TUBG2: variants seen among roughly 807,000 people sequenced by gnomAD.
The protein encoded by TUBG2 is tubulin gamma 2, also known as tubulin gamma-2 chain.
A neutral mutation model predicts 55.1 loss-of-function variants in TUBG2; 39 were observed. That is an observed-to-expected ratio of 0.71 (90% CI 0.55 to 0.93). The LOEUF is 0.93. Ranked by LOEUF, TUBG2 falls within the 40% of genes least tolerant of loss-of-function variation. The pLI is 0.00. For synonymous variants in TUBG2, 223 were observed against 241.0 expected (o/e 0.93, Z 0.69); for missense variants, 358 against 599.1 (o/e 0.60, Z 4.20).
At chr17:42,660,451 G>A in intron 3 of TUBG2, 135 bp downstream of exon 3, 1 of 1,478,918 alleles carries the variant, frequency 6.8e-7, no homozygotes, top group Non-Finnish European at 9.2e-7. Flanking sequence ...GACAGCCAGG[G>A]AGAGGTTTAT....
intron 3 of TUBG2, 72 bp downstream of exon 3, chr17:42,660,388 A>G: frequency 1.3e-6 from 2 of 1,598,822 alleles, no homozygotes; most frequent in Non-Finnish European, 8.5e-7. Context: ...GCTACTAGGA[A>G]TTTGACCTGA....
rs149564987 is a variant in TUBG2, at chr17:42,660,304, C to T, written c.318C>T (p.Ser106=). The T allele has an allele frequency of 1.3e-5, 21 of 1,614,034 alleles. No individual in the cohort carries two copies. Among genetic ancestry groups the T allele is most frequent in the East Asian group, 4.5e-5 (2 of 44,894 alleles). The change falls in exon 3 of 11, where the codon AGC becomes AGT. Residue 106 remains serine, a synonymous_variant. Transcript: ENST00000251412. ...HGGGAGNNWA[S]GFSQGEKIHE... ...GAGGAGCTGGCAACAACTGGGCCAG[C>T]GGATTCTCCCAGGTGTCCTAGCGAC...
At chr17:42,665,430 G>A (rs3817331) in intron 6 of TUBG2, 46 bp from the exon 7 acceptor site, 632,943 of 1,612,386 alleles carry the variant, frequency 0.39, 126,317 homozygotes, top group East Asian at 0.54. Flanking sequence ...TTATTTCTAT[G>A]CCCATTTTAT....
In TUBG2 at chr17:42,665,694, C is replaced by T. The variant is rs146477833; in HGVS notation, c.710C>T (p.Ser237Leu). Residue 237 changes from serine to leucine, a missense_variant, in exon 8 of 11, where the codon TCG (serine) becomes TTG (leucine). By Grantham distance (145) the Ser-to-Leu change is moderately radical. Transcript: ENST00000251412. Reference sequence around the variant, plus strand: ...TGTCCCCAGGTGTCCACCATCATGTCGGCCAGCACCACCACCCTGCGCTAC... The same window carrying T: ...TGTCCCCAGGTGTCCACCATCATGTTGGCCAGCACCACCACCCTGCGCTAC... The part of the protein sequence containing the change: ...QINQLVSTIM[S>L]ASTTTLRYPG... 2.1e-4 allele frequency: 345 copies of T among 1,614,166 alleles called. No individual in the cohort carries two copies. The highest frequency in any genetic ancestry group is 3.1e-4 in the South Asian group (28 of 91,082).
chr17:42,660,375 C>G, intron 3 of TUBG2, 59 bp downstream of exon 3: 3 of 1,608,204 alleles, frequency 1.9e-6, no homozygotes, highest in Non-Finnish European at 2.6e-6. Context: ...AAGGCAGGCT[C>G]AAGCTACTAG....
chr17:42,664,156 G>C (rs1034414860), intron 6 of TUBG2, among the ~76,000 whole-genome samples: 3 of 151,756 alleles, frequency 2.0e-5, no homozygotes, highest in Non-Finnish European at 2.9e-5. Context: ...TGTGCCTGTA[G>C]TACTAGCTAC....
rs2052520456 is a variant in TUBG2, at chr17:42,665,817, C to T, written c.833C>T (p.Thr278Ile). 1 of 1,614,234 alleles carries T rather than the reference C, an allele frequency of 6.2e-7. No homozygotes were observed. The highest frequency in any genetic ancestry group is 1.3e-5 in the African/African-American group (1 of 75,062). The change falls in exon 8 of 11, where the codon ACA (threonine) becomes ATA (isoleucine). Residue 278 changes from threonine to isoleucine, a missense_variant. Thr to Ile is a moderately conservative substitution (Grantham distance 89). Transcript: ENST00000251412. ...FLMTGYTPLT[T>I]DQSVASVRKT... ...ATGACCGGCTACACCCCGCTCACTACAGACCAGTCAGTAAGAGCAGCCTTC... is the reference window on the plus strand; with the variant it reads ...ATGACCGGCTACACCCCGCTCACTATAGACCAGTCAGTAAGAGCAGCCTTC...
chr17:42,665,662 G>A lies in TUBG2; in HGVS notation c.694-16G>A, dbSNP rs764233067. On this transcript the variant is annotated splice_polypyrimidine_tract_variant and intron_variant, in intron 7 of 10. Transcript: ENST00000251412. ...CACCCAGGCCGAGCCCCATGACATG[G>A]CACGCCTGTCCCCAGGTGTCCACCA... The A allele has an allele frequency of 6.2e-7, 1 of 1,613,910 alleles. No homozygotes were observed. The highest frequency in any genetic ancestry group is 1.3e-5 in the African/African-American group (1 of 74,886).
At chr17:42,664,182 G>T (rs1449786191) in intron 6 of TUBG2, among the ~76,000 whole-genome samples, 1 of 151,654 alleles carries the variant, frequency 6.6e-6, no homozygotes, top group Non-Finnish European at 1.5e-5. Flanking sequence ...AGGCTGAGGT[G>T]GGGGGATTGC....
intron 6 of TUBG2, 75 bp downstream of exon 6, chr17:42,663,578 C>A: frequency 6.4e-7 from 1 of 1,565,840 alleles, no homozygotes; most frequent in Non-Finnish European, 8.7e-7. Flanking sequence ...GAGGCCTAGG[C>A]AGATGGATTG....
At position 42,660,771 on chromosome 17, in the gene TUBG2, G is replaced by A. The variant is rs2052364616; in HGVS notation, c.399+64G>A. On this transcript the variant is annotated intron_variant, in intron 4 of 10. Transcript: ENST00000251412. The stretch of plus-strand genomic sequence containing the variant: ...CCGAAGAGTGCTGGGGACAGGTCAG[G>A]AGGTGGCCTGGATAGGTAATATGAG... The A allele has an allele frequency of 2.7e-6, 4 of 1,469,854 alleles. No individual in the cohort carries two copies. The East Asian group carries it at 9.4e-5, about 35-fold the overall frequency. The allele number at this position is 1,469,854 out of a possible 1,614,324, so 91.1% of individuals were successfully genotyped here.
intron 8 of TUBG2, 27 bp from the exon 9 acceptor site, chr17:42,666,060 C>T (rs760873255): frequency 8.9e-5 from 143 of 1,613,684 alleles, no homozygotes; most frequent in South Asian, 2.4e-4. Context: ...GAGCGCTGGC[C>T]GGGTCCCTGT....
intron 7 of TUBG2, 38 bp from the exon 8 acceptor site, chr17:42,665,640 C>G (rs772063490): frequency 2.5e-6 from 4 of 1,614,124 alleles, no homozygotes; most frequent in Non-Finnish European, 3.4e-6. Flanking sequence ...AAGGTCCCAC[C>G]CAGGCCGAGC....
At position 42,665,672 on chromosome 17, in the gene TUBG2, C is replaced by T; in HGVS notation, c.694-6C>T. On this transcript the variant is annotated splice_region_variant and splice_polypyrimidine_tract_variant and intron_variant, in intron 7 of 10. Coordinates refer to ENST00000251412, the MANE Select transcript of TUBG2 (RefSeq NM_016437.3). ...GAGCCCCATGACATGGCACGCCTGT[C>T]CCCAGGTGTCCACCATCATGTCGGC... 1 of 1,614,148 alleles carries T rather than the reference C, an allele frequency of 6.2e-7. No individual in the cohort carries two copies.
intron 6 of TUBG2, among the ~76,000 whole-genome samples, chr17:42,664,374 GAAGACCAAC>G (rs2052466057): frequency 2.0e-5 from 3 of 151,638 alleles, no homozygotes; most frequent in African/African-American, 7.3e-5. Flanking sequence ...CACACAGACA[GAAGACCAAC>G]AAAGCCATAC....
Position 42,660,021 on chromosome 17 carries a change from A to T in TUBG2, c.162+75A>T, listed in dbSNP as rs3892334. The T allele has an allele frequency of 6.3e-3, 9,019 of 1,437,392 alleles. 46 individuals carry two copies. The highest frequency in any genetic ancestry group is 7.5e-3 in the Non-Finnish European group (7,803 of 1,042,348). 89.0% of individuals were successfully genotyped at this position (1,437,392 alleles called of 1,614,324 possible). On this transcript the variant is annotated intron_variant, in intron 2 of 10. Coordinates refer to ENST00000251412, the MANE Select transcript of TUBG2 (RefSeq NM_016437.3). Reference sequence around the variant, plus strand: ...GGGAAGGGAGTGGCCTGGTACTGGGAACCCCGCTGGGCAGTAGGGCCAGGC... The same window carrying T: ...GGGAAGGGAGTGGCCTGGTACTGGGTACCCCGCTGGGCAGTAGGGCCAGGC...
At position 42,666,885 on chromosome 17, in the gene TUBG2, T is replaced by C; in HGVS notation, c.*85T>C. 6.9e-7 allele frequency: 1 copy of C among 1,452,802 alleles called. No individual in the cohort carries two copies. The highest frequency in any genetic ancestry group is 1.4e-5 in the African/African-American group (1 of 71,508). 90.0% of individuals were successfully genotyped at this position (1,452,802 alleles called of 1,614,324 possible). On this transcript the variant is annotated 3_prime_UTR_variant, in exon 11 of 11. Transcript: ENST00000251412. Reference sequence around the variant, plus strand: ...CTCCCTCTGACCCAGCTTCACCTCATGGACAACCCTTCTTGGTTCATCTCC... The same window carrying C: ...CTCCCTCTGACCCAGCTTCACCTCACGGACAACCCTTCTTGGTTCATCTCC...
intron 6 of TUBG2, 43 bp downstream of exon 6, chr17:42,663,546 G>T: frequency 6.2e-7 from 1 of 1,609,484 alleles, no homozygotes; most frequent in South Asian, 1.1e-5. Flanking sequence ...GGTGGCTCAT[G>T]CCTGTAGTTC....
Position 42,659,518 on chromosome 17 carries a change from C to T in TUBG2, c.15C>T (p.Ile5=), listed in dbSNP as rs1021470191. ...TCTGAAGAGCGATGCCCCGGGAGAT[C>T]ATCACCCTGCAGCTGGGCCAGTGCG... MPRE[I]ITLQLGQCGN... is the part of the protein sequence containing the mutation. Residue 5 remains isoleucine, a synonymous_variant, in exon 1 of 11, where the codon ATC becomes ATT. Transcript: ENST00000251412. 13 of 1,553,508 alleles carry T rather than the reference C, an allele frequency of 8.4e-6. No homozygotes were observed. The highest frequency in any genetic ancestry group is 1.1e-5 in the Non-Finnish European group (13 of 1,149,308).
Sources: gnomAD v4.1 joint callset for allele counts (sites outside exome capture counted in the v4.1 genomes callset) on GRCh38, gnomAD v4.1.1 for gene constraint, MANE v1.5 for transcripts, NCBI Gene and HGNC (gene_info 2026-07-23, HGNC 2026-07-21) for gene names.